Variants in SEPTIN9 observed in about 807,000 individuals in gnomAD.
SEPTIN9 encodes septin-9.
A neutral mutation model predicts 56.6 loss-of-function variants in SEPTIN9; 13 were observed. The ratio of observed to expected loss-of-function variants is 0.23; its 90% confidence interval spans 0.15 to 0.37. The LOEUF (loss-of-function observed/expected upper bound fraction) is 0.37, where lower values mean the gene tolerates loss of function less well. SEPTIN9 is among the 10% of genes least tolerant of loss of function. SEPTIN9 has a pLI of 1.00. For missense variants in SEPTIN9, 650 were observed against 823.1 expected, an observed-to-expected ratio of 0.79 and a Z score of 2.57; for synonymous variants, 332 against 334.1, an observed-to-expected ratio of 0.99 and a Z score of 0.07.
chr17:77,380,929 C>A (rs984671878), intron 2 of SEPTIN9, among the ~76,000 whole-genome samples: 1 of 152,236 alleles, frequency 6.6e-6, no homozygotes. Flanking sequence ...CTTCTCACCC[C>A]TTCTACAGTG....
chr17:77,302,476 G>A (rs770979427), intron 1 of SEPTIN9, among the ~76,000 whole-genome samples: 4 of 151,876 alleles, frequency 2.6e-5, no homozygotes, highest in Non-Finnish European at 4.4e-5. Context: ...TCAGGAGTTC[G>A]AGACCAGCCT....
chr17:77,497,182 C>T lies in SEPTIN9; in HGVS notation c.1574-133C>T, dbSNP rs41282095. 3.4e-6 allele frequency: 3 copies of T among 872,854 alleles called. No individual in the cohort carries two copies. The African/African-American group carries it at 5.0e-5, about 15-fold the overall frequency. The allele number at this position is 872,854 out of a possible 1,614,324, so 54.1% of individuals were successfully genotyped here. Reference sequence around the variant, plus strand: ...CTCAGCTGCAGAGCAGGTGGTTCCCCTGCCCTCCTGCCCATGGGGCTGCCC... The same window carrying T: ...CTCAGCTGCAGAGCAGGTGGTTCCCTTGCCCTCCTGCCCATGGGGCTGCCC... On this transcript the variant is annotated intron_variant, in intron 10 of 11. Transcript: ENST00000427177.
intron 2 of SEPTIN9, among the ~76,000 whole-genome samples, chr17:77,335,469 T>C (rs966505852): frequency 6.6e-6 from 1 of 151,474 alleles, no homozygotes; most frequent in African/African-American, 2.4e-5. Flanking sequence ...CTTGTATTAG[T>C]ATATGTACAT....
chr17:77,385,209 T>C (rs2035293619), intron 2 of SEPTIN9, among the ~76,000 whole-genome samples: 1 of 145,220 alleles, frequency 6.9e-6, no homozygotes, highest in African/African-American at 2.6e-5. Context: ...TGTCCCAGGC[T>C]GAAGTGGCGG....
rs1215179622 is a variant in SEPTIN9 at position 77,456,689 on chromosome 17, G to A, written c.722-25455G>A. 1.3e-5 allele frequency among the ~76,000 whole-genome samples: 2 copies of A among 151,940 alleles called. No homozygotes were observed. Among genetic ancestry groups the A allele is most frequent in the African/African-American group, 2.4e-5 (1 of 41,344 alleles). On this transcript the variant is annotated intron_variant, in intron 3 of 11. Transcript: ENST00000427177. The surrounding 1 kb of genome is among the most constrained non-coding windows in gnomAD (Gnocchi z 6.0). ...GTACCAGGTCTCAGGGACCAGCACC[G>A]GGTACCCACAGCCAGGGACGGGCCC...
chr17:77,483,874 A>T (rs1173245034), intron 4 of SEPTIN9: 5 of 152,332 alleles, frequency 3.3e-5, no homozygotes, highest in African/African-American at 1.2e-4. Context: ...GAGGAACAAG[A>T]CGTGGGGCAG....
intron 2 of SEPTIN9, among the ~76,000 whole-genome samples, chr17:77,342,236 A>C (rs886708538): frequency 6.6e-6 from 1 of 152,242 alleles, no homozygotes; most frequent in Non-Finnish European, 1.5e-5. Flanking sequence ...CAGCAGACTT[A>C]CTTGATGCAG....
chr17:77,480,666 G>A lies in SEPTIN9; in HGVS notation c.722-1478G>A, dbSNP rs576004785. 7.9e-5 allele frequency among the ~76,000 whole-genome samples: 12 copies of A among 152,290 alleles called. No homozygotes were observed. In the South Asian group the frequency reaches 8.3e-4, roughly 11 times the overall value. On this transcript the variant is annotated intron_variant, in intron 3 of 11. Coordinates refer to ENST00000427177, the MANE Select transcript of SEPTIN9 (RefSeq NM_001113491.2). ...GTGCTGTGGCCCTGGCTCCCACGCC[G>A]GCTCCACTCCCCTGTGGCTGCCCCT...
chr17:77,323,414 C>T lies in SEPTIN9; in HGVS notation c.76+16217C>T, dbSNP rs569039286. On this transcript the variant is annotated intron_variant, in intron 2 of 11. Coordinates refer to ENST00000427177, the MANE Select transcript of SEPTIN9 (RefSeq NM_001113491.2). This position sits in a 1 kb window ranked among gnomAD's most constrained non-coding sequence, Gnocchi z 6.8. ...AGGGAGAGAGTCTCCAAGAAGGGAA[C>T]TTTCCACTGGGGAGCTCTGTTGGGC... Among the ~76,000 whole-genome samples, 3 of 152,278 alleles carry T rather than the reference C, an allele frequency of 2.0e-5. No individual in the cohort carries two copies. Among genetic ancestry groups the T allele is most frequent in the South Asian group, 4.1e-4 (2 of 4,826 alleles).
At position 77,400,708 on chromosome 17, in the gene SEPTIN9, T is replaced by C. The variant is rs2035870070; in HGVS notation, c.77-1351T>C. On this transcript the variant is annotated intron_variant, in intron 2 of 11. Coordinates refer to ENST00000427177, the MANE Select transcript of SEPTIN9 (RefSeq NM_001113491.2). The surrounding 1 kb of genome is among the most constrained non-coding windows in gnomAD (Gnocchi z 4.1). ...TGGTGGGATCCCATGAGACCCGGAC[T>C]CTGTGGCCTGGTGAGGCAGGGAGCG... The C allele has an allele frequency of 6.6e-6, 1 of 152,514 alleles. No homozygotes were observed. Among genetic ancestry groups the C allele is most frequent in the Admixed American group, 6.5e-5 (1 of 15,274 alleles). 9.4% of individuals were successfully genotyped at this position (152,514 alleles called of 1,614,324 possible).
intron 1 of SEPTIN9, among the ~76,000 whole-genome samples, chr17:77,295,966 G>T (rs968505144): frequency 2.0e-5 from 3 of 152,146 alleles, no homozygotes; most frequent in African/African-American, 7.2e-5. Flanking sequence ...CAATGCAGCT[G>T]TAATTGAAGA....
At chr17:77,479,757 G>A (rs1464584889) in intron 3 of SEPTIN9, among the ~76,000 whole-genome samples, 1 of 152,066 alleles carries the variant, frequency 6.6e-6, no homozygotes, top group African/African-American at 2.4e-5. Context: ...GGTCCTGCTG[G>A]GGAGGGTTGA....
rs1197347656 is a variant in SEPTIN9 at position 77,425,058 on chromosome 17, C to T, written c.721+22355C>T. Among the ~76,000 whole-genome samples the T allele has an allele frequency of 6.6e-6, 1 of 152,220 alleles. No individual in the cohort carries two copies. Among genetic ancestry groups the T allele is most frequent in the East Asian group, 1.9e-4 (1 of 5,192 alleles). Reference sequence around the variant, plus strand: ...CCACATGTGGAAGTCTAGCGTCCTTCATGCAAAGTGGGCAGGCGGCCAAAG... The same window carrying T: ...CCACATGTGGAAGTCTAGCGTCCTTTATGCAAAGTGGGCAGGCGGCCAAAG... On this transcript the variant is annotated intron_variant, in intron 3 of 11. Transcript: ENST00000427177. This position sits in a 1 kb window ranked among gnomAD's most constrained non-coding sequence, Gnocchi z 4.2.
intron 3 of SEPTIN9, among the ~76,000 whole-genome samples, chr17:77,418,688 G>A (rs1053702844): frequency 3.9e-5 from 6 of 152,260 alleles, no homozygotes; most frequent in Middle Eastern, 3.4e-3. Context: ...GGATGTCCAC[G>A]CCTCCTCCTT....
In SEPTIN9 at chr17:77,451,452, G is replaced by C. The variant is rs527276410; in HGVS notation, c.722-30692G>C. On this transcript the variant is annotated intron_variant, in intron 3 of 11. Coordinates refer to ENST00000427177, the MANE Select transcript of SEPTIN9 (RefSeq NM_001113491.2). This position sits in a 1 kb window ranked among gnomAD's most constrained non-coding sequence, Gnocchi z 4.2. Reference sequence around the variant, plus strand: ...ACAAAGCCCCTTTGATCCTCTGCTCGGCTCTGAGCCATGTGACCCGGTGGG... The same window carrying C: ...ACAAAGCCCCTTTGATCCTCTGCTCCGCTCTGAGCCATGTGACCCGGTGGG... The C allele has an allele frequency of 1.1e-5, 11 of 985,568 alleles. No individual in the cohort carries two copies. Among genetic ancestry groups the C allele is most frequent in the Non-Finnish European group, 1.2e-5 (10 of 830,120 alleles). 61.1% of individuals were successfully genotyped at this position (985,568 alleles called of 1,614,324 possible).
intron 2 of SEPTIN9, among the ~76,000 whole-genome samples, chr17:77,311,100 G>T (rs1269194309): frequency 6.6e-6 from 1 of 152,070 alleles, no homozygotes; most frequent in African/African-American, 2.4e-5. Flanking sequence ...CCAACAACTG[G>T]TGTCCTTAAA....
At chr17:77,349,986 G>A (rs1396975919) in intron 2 of SEPTIN9, among the ~76,000 whole-genome samples, 1 of 152,172 alleles carries the variant, frequency 6.6e-6, no homozygotes, top group Non-Finnish European at 1.5e-5. Context: ...CAGAAAAGTG[G>A]AATTCCTGGT....
In SEPTIN9 at chr17:77,405,176, C is replaced by A. The variant is rs1265947455; in HGVS notation, c.721+2473C>A. On this transcript the variant is annotated intron_variant, in intron 3 of 11. Transcript: ENST00000427177. This position sits in a 1 kb window ranked among gnomAD's most constrained non-coding sequence, Gnocchi z 5.8. ...GTCCATGGGGATGTACAAGAACATT[C>A]TCCTCCAGGGGCAGACACAGTTTAG... The A allele has an allele frequency of 1.3e-6, 2 of 1,499,962 alleles. No homozygotes were observed. The highest frequency in any genetic ancestry group is 1.7e-4 in the Middle Eastern group (1 of 5,934). 92.9% of individuals were successfully genotyped at this position (1,499,962 alleles called of 1,614,324 possible).
At chr17:77,339,032 T>G (rs2033645280) in intron 2 of SEPTIN9, among the ~76,000 whole-genome samples, 1 of 152,216 alleles carries the variant, frequency 6.6e-6, no homozygotes. Context: ...ATTGCAGCAA[T>G]CCAGTCCCAT....
Sources: allele counts gnomAD v4.1 joint callset (sites outside exome capture counted in the v4.1 genomes callset), GRCh38; gene constraint gnomAD v4.1.1; non-coding constraint Gnocchi (gnomAD v3.1); transcripts MANE v1.5; gene names NCBI Gene and HGNC (gene_info 2026-07-23, HGNC 2026-07-21).